The following ZBTB46 variants were observed in gnomAD, a reference collection of about 807,000 sequenced individuals.
ZBTB46 encodes the protein zinc finger and BTB domain containing 46.
ZBTB46 carries 8 observed loss-of-function variants against 44.1 expected under a neutral mutation model. That is an observed-to-expected ratio of 0.18 (90% CI 0.11 to 0.33). ZBTB46 has a LOEUF of 0.33. Ranked by LOEUF, ZBTB46 falls within the 10% of genes least tolerant of loss-of-function variation. ZBTB46 has a pLI of 1.00. For missense variants in ZBTB46, 651 were observed against 847.7 expected (o/e 0.77, Z 2.88); for synonymous variants, 409 against 382.3 (o/e 1.07, Z -0.81).
chr20:63,806,809 GT>G (rs1195695145), intron 1 of ZBTB46, among the ~76,000 whole-genome samples: 1 of 150,110 alleles, frequency 6.7e-6, no homozygotes, highest in Non-Finnish European at 1.5e-5. Context: ...TTGAGATGGA[GT>G]CTCGCTCTGT....
intron 3 of ZBTB46, chr20:63,769,348 T>C (rs1247503293): frequency 2.0e-6 from 2 of 985,378 alleles, no homozygotes. Context: ...GGGGCTTCTG[T>C]TCTGCCATCA....
chr20:63,824,548 G>A (rs2092809929), intron 1 of ZBTB46, among the ~76,000 whole-genome samples: 1 of 152,070 alleles, frequency 6.6e-6, no homozygotes, highest in South Asian at 2.1e-4. Context: ...TGAAAGCTCA[G>A]GGTCTGCAGG....
chr20:63,779,249 ATTTAT>A (rs1038048092), intron 2 of ZBTB46, among the ~76,000 whole-genome samples: 1 of 151,496 alleles, frequency 6.6e-6, no homozygotes, highest in African/African-American at 2.4e-5. Context: ...TAATTTATTT[ATTTAT>A]TTTGAGACGG....
chr20:63,792,764 C>T (rs1034041699), intron 1 of ZBTB46, among the ~76,000 whole-genome samples: 40 of 152,310 alleles, frequency 2.6e-4, no homozygotes, highest in African/African-American at 7.7e-4. Context: ...ATGATCCACC[C>T]GCCTCGGCCT....
At chr20:63,796,141 G>A (rs1315891973) in intron 1 of ZBTB46, among the ~76,000 whole-genome samples, 1 of 152,196 alleles carries the variant, frequency 6.6e-6, no homozygotes. Flanking sequence ...TTAATTTAGG[G>A]GGCAGACTGG....
chr20:63,804,765 G>A (rs1018340095), intron 1 of ZBTB46, among the ~76,000 whole-genome samples: 7 of 151,820 alleles, frequency 4.6e-5, no homozygotes, highest in Non-Finnish European at 8.8e-5. Flanking sequence ...GGTGGGGGGC[G>A]CCTGTAGTCC....
intron 1 of ZBTB46, among the ~76,000 whole-genome samples, chr20:63,797,018 T>C (rs2092608936): frequency 6.6e-6 from 1 of 152,148 alleles, no homozygotes; most frequent in African/African-American, 2.4e-5. Context: ...TTTGTTTTTT[T>C]ATATATACTT....
chr20:63,817,515 G>A (rs951268939), intron 1 of ZBTB46, among the ~76,000 whole-genome samples: 1 of 152,024 alleles, frequency 6.6e-6, no homozygotes, highest in Non-Finnish European at 1.5e-5. Flanking sequence ...AGGAGTTCGA[G>A]ACCAGCCTGG....
At chr20:63,772,436 G>A (rs1467080637) in intron 3 of ZBTB46, among the ~76,000 whole-genome samples, 1 of 152,134 alleles carries the variant, frequency 6.6e-6, no homozygotes, top group Non-Finnish European at 1.5e-5. Context: ...GAGTGAGATG[G>A]GGCCAGGCGG....
In ZBTB46 at chr20:63,752,190, C is replaced by T. The variant is rs199602604; in HGVS notation, c.1398+496G>A. On this transcript the variant is annotated intron_variant, in intron 4 of 4. Transcript: ENST00000245663. This position sits in a 1 kb window ranked among gnomAD's most constrained non-coding sequence, Gnocchi z 5.6. ...CGCCAGGCCTTTTTTGGCAAATCTGCCTCCCTGTTCCCAGGCTGCCTTTTT... is the reference window on the plus strand; with the variant it reads ...CGCCAGGCCTTTTTTGGCAAATCTGTCTCCCTGTTCCCAGGCTGCCTTTTT... Among the ~76,000 whole-genome samples, 1 of 152,162 alleles carries T rather than the reference C, an allele frequency of 6.6e-6. No individual in the cohort carries two copies. Among genetic ancestry groups the T allele is most frequent in the Non-Finnish European group, 1.5e-5 (1 of 68,026 alleles).
At chr20:63,817,437 G>A (rs4369919) in intron 1 of ZBTB46, among the ~76,000 whole-genome samples, 27,171 of 151,616 alleles carry the variant, frequency 0.18, 2,940 homozygotes, top group East Asian at 0.45. Context: ...AAAAGAGGCC[G>A]GGTGCAGTGG....
intron 2 of ZBTB46, among the ~76,000 whole-genome samples, chr20:63,782,157 G>T (rs1217802164): frequency 6.6e-6 from 1 of 151,190 alleles, no homozygotes. Flanking sequence ...CAAACCCCCA[G>T]TGGTGAGCCA....
chr20:63,749,519 G>T (rs1438531637), intron 4 of ZBTB46, among the ~76,000 whole-genome samples: 3 of 152,098 alleles, frequency 2.0e-5, no homozygotes, highest in Non-Finnish European at 4.4e-5. Context: ...TGTATTTTTA[G>T]TAGAGACGGG....
intron 1 of ZBTB46, among the ~76,000 whole-genome samples, chr20:63,794,362 T>G (rs1461933840): frequency 2.0e-5 from 3 of 152,176 alleles, no homozygotes; most frequent in East Asian, 3.9e-4. Flanking sequence ...TGGCTAACTC[T>G]TTCATTTTTT....
At chr20:63,805,849 T>C (rs751782065) in intron 1 of ZBTB46, among the ~76,000 whole-genome samples, 3 of 151,966 alleles carry the variant, frequency 2.0e-5, no homozygotes, top group South Asian at 4.2e-4. Context: ...TTCGGCTCAC[T>C]GCAACCTCCG....
chr20:63,806,976 G>A (rs1376221977), intron 1 of ZBTB46, among the ~76,000 whole-genome samples: 27 of 152,118 alleles, frequency 1.8e-4, no homozygotes, highest in Non-Finnish European at 1.5e-5. Context: ...TAGAGACGGG[G>A]TTTCACCGTG....
At chr20:63,765,120 C>CGTGT (rs780310039) in intron 3 of ZBTB46, among the ~76,000 whole-genome samples, 5 of 148,978 alleles carry the variant, frequency 3.4e-5, no homozygotes, top group African/African-American at 1.2e-4. Context: ...TGTGTGTGTG[C>CGTGT]GTGTGTGTGT....
chr20:63,749,503 ATT>A (rs1304271487), intron 4 of ZBTB46, among the ~76,000 whole-genome samples: 1 of 151,880 alleles, frequency 6.6e-6, no homozygotes, highest in Non-Finnish European at 1.5e-5. Flanking sequence ...CGCCCAGCTA[ATT>A]TTTTGTATTT....
At chr20:63,825,789 G>A (rs185087566) in intron 1 of ZBTB46, among the ~76,000 whole-genome samples, 89 of 152,314 alleles carry the variant, frequency 5.8e-4, no homozygotes, top group African/African-American at 2.0e-3. Flanking sequence ...GGAAAGCGGC[G>A]AATCAACACT....
Sources: allele counts gnomAD v4.1 joint callset (sites outside exome capture counted in the v4.1 genomes callset), GRCh38; gene constraint gnomAD v4.1.1; non-coding constraint Gnocchi (gnomAD v3.1); transcripts MANE v1.5; gene names NCBI Gene and HGNC (gene_info 2026-07-23, HGNC 2026-07-21).